Variants in SHC4 observed in about 807,000 individuals in gnomAD.
SHC4 encodes the protein SHC-transforming protein 4.
Under a neutral mutation model 69.4 loss-of-function variants are expected in SHC4, and 41 were observed. The observed-to-expected ratio is 0.59, with a 90% confidence interval of 0.46 to 0.77. The LOEUF (loss-of-function observed/expected upper bound fraction) is 0.77. SHC4 is among the 30% of genes least tolerant of loss of function. The pLI, the probability that SHC4 is intolerant of heterozygous loss-of-function variation, is 0.00. For synonymous variants in SHC4, 318 were observed against 299.3 expected, an observed-to-expected ratio of 1.06 and a Z score of -0.64; for missense variants, 777 against 783.8, an observed-to-expected ratio of 0.99 and a Z score of 0.10.
intron 8 of SHC4, 136 bp from the exon 9 acceptor site, chr15:48,851,384 A>G (rs62009454): frequency 0.069 from 54,162 of 785,264 alleles, 2,254 homozygotes; most frequent in Admixed American, 0.14. Context: ...ACAGGTAAGA[A>G]AAGAAAATGG....
At chr15:48,856,622 G>A (rs1899321349) in intron 7 of SHC4, among the ~76,000 whole-genome samples, 1 of 152,056 alleles carries the variant, frequency 6.6e-6, no homozygotes, top group East Asian at 1.9e-4. Flanking sequence ...CACAGATCTG[G>A]AGGAGTACAT....
chr15:48,891,634 A>G (rs1900139720), intron 2 of SHC4, among the ~76,000 whole-genome samples: 1 of 152,200 alleles, frequency 6.6e-6, no homozygotes, highest in African/African-American at 2.4e-5. Context: ...AACTTCTCAC[A>G]AGGCAAATGG....
intron 2 of SHC4, among the ~76,000 whole-genome samples, chr15:48,899,975 T>C (rs192119093): frequency 1.3e-5 from 2 of 152,306 alleles, no homozygotes; most frequent in Admixed American, 1.3e-4. Flanking sequence ...ACTCGTTGCA[T>C]TGAGTAACAG....
intron 2 of SHC4, among the ~76,000 whole-genome samples, chr15:48,904,480 A>G (rs1900371165): frequency 6.6e-6 from 1 of 152,240 alleles, no homozygotes; most frequent in Non-Finnish European, 1.5e-5. Flanking sequence ...ATCCAGTTCC[A>G]CATGATTGAG....
rs371707644 is a variant in SHC4 at position 48,929,233 on chromosome 15, A to G, written c.586-4284T>C. Reference sequence around the variant, plus strand: ...GTGTTTGATGACTGCATAAGCAGATAGTGGCTGAATATCAAGGCCCGAGAG... The same window carrying G: ...GTGTTTGATGACTGCATAAGCAGATGGTGGCTGAATATCAAGGCCCGAGAG... On this transcript the variant is annotated intron_variant, in intron 1 of 11. Transcript: ENST00000332408. Among the ~76,000 whole-genome samples, 9 of 152,344 alleles carry G rather than the reference A, an allele frequency of 5.9e-5. No homozygotes were observed. The East Asian group carries it at 7.7e-4, about 13-fold the overall frequency.
intron 2 of SHC4, among the ~76,000 whole-genome samples, chr15:48,909,627 T>C (rs1436559604): frequency 6.6e-6 from 1 of 152,198 alleles, no homozygotes; most frequent in Non-Finnish European, 1.5e-5. Flanking sequence ...ATGTTTGTCT[T>C]GTTCCAGTTC....
At chr15:48,954,346 C>G (rs1901409425) in intron 1 of SHC4, among the ~76,000 whole-genome samples, 4 of 152,256 alleles carry the variant, frequency 2.6e-5, no homozygotes, top group Admixed American at 2.6e-4. Context: ...CAAATCTTCT[C>G]TGCCGCAGAA....
intron 11 of SHC4, among the ~76,000 whole-genome samples, chr15:48,830,496 A>G (rs1317392169): frequency 6.6e-6 from 1 of 152,204 alleles, no homozygotes; most frequent in Non-Finnish European, 1.5e-5. Context: ...AAAAATTCCT[A>G]TTGCCTAATG....
At chr15:48,831,981 A>G (rs1397584606) in intron 11 of SHC4, among the ~76,000 whole-genome samples, 1 of 152,200 alleles carries the variant, frequency 6.6e-6, no homozygotes, top group Non-Finnish European at 1.5e-5. Context: ...TTTTTAAAGG[A>G]TGGTTTTGGC....
At position 48,963,543 on chromosome 15, in the gene SHC4, A is replaced by T. The variant is rs1901583136; in HGVS notation, c.-528T>A. The T allele has an allele frequency of 6.5e-6, 1 of 153,220 alleles. No individual in the cohort carries two copies. Among genetic ancestry groups the T allele is most frequent in the Admixed American group, 6.5e-5 (1 of 15,364 alleles). 9.5% of individuals were successfully genotyped at this position (153,220 alleles called of 1,614,324 possible). ...TATTTGTTCCAGTGATTGTTCATTT[A>T]AAAAGGAAAAAAAAATGTATCTATG... On this transcript the variant is annotated 5_prime_UTR_variant, in exon 1 of 12. The change abolishes the stop of an existing upstream ORF in the 5' untranslated region. Transcript: ENST00000332408.
intron 4 of SHC4, chr15:48,878,793 G>T: frequency 6.6e-7 from 1 of 1,514,854 alleles, no homozygotes; most frequent in Non-Finnish European, 9.0e-7. Context: ...CCAACTTTCC[G>T]CTATCTTTTG....
At chr15:48,894,455 T>C (rs1414424581) in intron 2 of SHC4, among the ~76,000 whole-genome samples, 1 of 152,132 alleles carries the variant, frequency 6.6e-6, no homozygotes, top group African/African-American at 2.4e-5. Context: ...GGTGTTGAGA[T>C]GTGAAGGCAC....
intron 1 of SHC4, among the ~76,000 whole-genome samples, chr15:48,957,048 G>C (rs1487435438): frequency 7.6e-6 from 1 of 132,310 alleles, no homozygotes; most frequent in Non-Finnish European, 1.5e-5. Flanking sequence ...CATGATCTCA[G>C]CTCACTACAA....
chr15:48,854,756 G>A (rs1472514851), intron 8 of SHC4, among the ~76,000 whole-genome samples: 3 of 152,144 alleles, frequency 2.0e-5, no homozygotes, highest in African/African-American at 7.2e-5. Context: ...TTATAAGTAG[G>A]AGCTAAATAT....
At chr15:48,921,086 A>C (rs1900743273) in intron 2 of SHC4, among the ~76,000 whole-genome samples, 1 of 152,248 alleles carries the variant, frequency 6.6e-6, no homozygotes, top group African/African-American at 2.4e-5. Flanking sequence ...ATGAATAGAC[A>C]AAATGTAGTA....
chr15:48,832,721 C>T (rs1898828963), intron 11 of SHC4, among the ~76,000 whole-genome samples: 1 of 152,076 alleles, frequency 6.6e-6, no homozygotes, highest in South Asian at 2.1e-4. Flanking sequence ...CTTAGGCTTT[C>T]TTCACTTTTT....
chr15:48,891,233 A>C (rs1900132545), intron 2 of SHC4, among the ~76,000 whole-genome samples: 1 of 151,294 alleles, frequency 6.6e-6, no homozygotes, highest in Non-Finnish European at 1.5e-5. Context: ...AAGACAATTA[A>C]ATGCAAAAAG....
intron 2 of SHC4, among the ~76,000 whole-genome samples, chr15:48,892,774 A>C (rs1390841482): frequency 6.6e-6 from 1 of 151,774 alleles, no homozygotes. Flanking sequence ...GAGGCAGGAG[A>C]ATCTCTTGAA....
intron 9 of SHC4, among the ~76,000 whole-genome samples, chr15:48,850,983 C>T (rs921884707): frequency 1.3e-5 from 2 of 152,174 alleles, no homozygotes; most frequent in Non-Finnish European, 2.9e-5. Context: ...GCAGATCACA[C>T]AAGAGCAAGG....
Sources: gnomAD v4.1 joint callset for allele counts (sites outside exome capture counted in the v4.1 genomes callset) on GRCh38, gnomAD v4.1.1 for gene constraint, MANE v1.5 for transcripts, NCBI Gene and HGNC (gene_info 2026-07-23, HGNC 2026-07-21) for gene names.